SBNO1: variants seen among roughly 807,000 people sequenced by gnomAD.
SBNO1 encodes protein strawberry notch homolog 1.
SBNO1 carries 23 observed loss-of-function variants against 173.6 expected under a neutral mutation model. That is an observed-to-expected ratio of 0.13 (90% confidence interval 0.10 to 0.19). The LOEUF (loss-of-function observed/expected upper bound fraction) is 0.19, where lower values mean the gene tolerates loss of function less well. Among genes scored for constraint, SBNO1 ranks in the 10% least tolerant of loss-of-function variants. SBNO1 has a pLI of 1.00. For missense variants in SBNO1, 1,238 were observed against 1,671.2 expected (o/e 0.74, Z 4.52); for synonymous variants, 632 against 571.5 (o/e 1.11, Z -1.51).
At chr12:123,327,274 G>C in intron 13 of SBNO1, 152 bp downstream of exon 13, 1 of 658,734 alleles carries the variant, frequency 1.5e-6, no homozygotes. Flanking sequence ...GCCTCCCAAA[G>C]TGCTGAGGCA....
At chr12:123,299,497 T>C (rs985700341) in intron 30 of SBNO1, among the ~76,000 whole-genome samples, 3 of 148,398 alleles carry the variant, frequency 2.0e-5, no homozygotes, top group South Asian at 2.1e-4. Flanking sequence ...CTGGCTAACA[T>C]GGTGAAACCC....
At chr12:123,327,384 G>C in intron 13 of SBNO1, 42 bp downstream of exon 13, 1 of 1,538,084 alleles carries the variant, frequency 6.5e-7, no homozygotes, top group Non-Finnish European at 8.9e-7. Context: ...AACATTATCA[G>C]ATACATTAAA....
At chr12:123,345,666 T>C (rs887329479) in intron 3 of SBNO1, 96 bp from the exon 4 acceptor site, 11 of 1,051,678 alleles carry the variant, frequency 1.0e-5, no homozygotes, top group South Asian at 4.9e-5. Context: ...AAATCTAAAA[T>C]GCACTTTTAT....
At chr12:123,317,781 GA>G (rs1307785128) in intron 20 of SBNO1, among the ~76,000 whole-genome samples, 1 of 152,166 alleles carries the variant, frequency 6.6e-6, no homozygotes, top group Non-Finnish European at 1.5e-5. Flanking sequence ...GTCCATGAGA[GA>G]AATAATCTAT....
chr12:123,302,836 G>C lies in SBNO1; in HGVS notation c.3833C>G (p.Thr1278Ser). The change falls in exon 30 of 32, where the codon ACT (threonine) becomes AGT (serine). Residue 1278 changes from threonine (T) to serine (S), a missense_variant. Physicochemically the swap from Thr to Ser is moderately conservative, Grantham distance 58. This residue lies in a region of SBNO1 where 351 missense variants were observed against 420.3 expected (regional missense o/e 0.84). Transcript: ENST00000602398. Reference sequence around the variant, plus strand: ...CGAAAATACTAACCAATAAGCATGAGTACAAGTATCTGCAGATGAATTATA... The same window carrying C: ...CGAAAATACTAACCAATAAGCATGACTACAAGTATCTGCAGATGAATTATA... ...DQYNSSADTC[T>S]HAYWRGNCKK... The C allele has an allele frequency of 6.2e-7, 1 of 1,612,804 alleles. No individual in the cohort carries two copies. The highest frequency in any genetic ancestry group is 8.5e-7 in the Non-Finnish European group (1 of 1,178,996).
Position 123,320,437 on chromosome 12 carries a change from C to A in SBNO1, c.2662G>T (p.Ala888Ser), listed in dbSNP as rs1396770573. Residue 888 changes from alanine (A) to serine (S), a missense_variant, in exon 19 of 32, where the codon GCT becomes TCT. By Grantham distance (99) the Ala-to-Ser change is moderately conservative (BLOSUM62 1). This residue lies in a region of SBNO1 where 45 missense variants were observed against 85.5 expected (regional missense o/e 0.53). Coordinates refer to ENST00000602398, the MANE Select transcript of SBNO1 (RefSeq NM_001167856.3). ...IDELGGPENV[A>S]EMTGRKGRVV... ...AGAGATACAGGCCTATTTACCTCAGCAACGTTCTCAGGGCCACCAAGTTCA... is the reference window on the plus strand; with the variant it reads ...AGAGATACAGGCCTATTTACCTCAGAAACGTTCTCAGGGCCACCAAGTTCA... 1 of 1,612,400 alleles carries A rather than the reference C, an allele frequency of 6.2e-7. No individual in the cohort carries two copies. The highest frequency in any genetic ancestry group is 8.5e-7 in the Non-Finnish European group (1 of 1,179,238).
At chr12:123,296,836 G>C (rs2048613512) in intron 31 of SBNO1, among the ~76,000 whole-genome samples, 1 of 150,166 alleles carries the variant, frequency 6.7e-6, no homozygotes, top group Admixed American at 6.7e-5. Context: ...TGGGATTATA[G>C]GTGTGAGCCA....
At chr12:123,330,599 T>TAAAAA (rs62719360) in intron 8 of SBNO1, 90 bp from the exon 9 acceptor site, 1 of 469,088 alleles carries the variant, frequency 2.1e-6, no homozygotes, top group Non-Finnish European at 3.6e-6. Context: ...TCTTGACACT[T>TAAAAA]AAAAAAAAAA....
intron 1 of SBNO1, 67 bp downstream of exon 1, chr12:123,364,634 G>A: frequency 1.6e-5 from 16 of 983,184 alleles, no homozygotes; most frequent in Non-Finnish European, 1.9e-5. Context: ...GCCCCCCGAG[G>A]GTGGGAGTGG....
At chr12:123,298,270 C>T (rs67382382) in intron 30 of SBNO1, 99 bp from the exon 31 acceptor site, 45,086 of 1,001,660 alleles carry the variant, frequency 0.045, 843 homozygotes, top group East Asian at 0.24. Context: ...CTTTTCTTTT[C>T]TTTTTTTTTT....
chr12:123,312,929 C>A (rs1868769796), intron 24 of SBNO1, among the ~76,000 whole-genome samples: 1 of 151,954 alleles, frequency 6.6e-6, no homozygotes, highest in African/African-American at 2.4e-5. Context: ...TGGGGCTGGG[C>A]ACGGTAGCTC....
chr12:123,340,938 G>A, intron 5 of SBNO1, 50 bp downstream of exon 5: 1 of 1,151,244 alleles, frequency 8.7e-7, no homozygotes, highest in Non-Finnish European at 1.3e-6. Context: ...TTTTAGTTGA[G>A]TACACTCTCA....
chr12:123,295,837 C>T lies in SBNO1; in HGVS notation c.*71G>A. 6.4e-7 allele frequency: 1 copy of T among 1,555,928 alleles called. No individual in the cohort carries two copies. The highest frequency in any genetic ancestry group is 1.2e-5 in the South Asian group (1 of 82,710). ...AAATATATAATTCTTTGGAAACTGT[C>T]CCTGATTTTTATGCAAATGATATGC... is the stretch of plus-strand genomic sequence containing the variant. On this transcript the variant is annotated 3_prime_UTR_variant, in exon 32 of 32. Coordinates refer to ENST00000602398, the MANE Select transcript of SBNO1 (RefSeq NM_001167856.3).
chr12:123,320,720 G>A lies in SBNO1; in HGVS notation c.2470C>T (p.Pro824Ser), dbSNP rs1012137615. 6.2e-7 allele frequency: 1 copy of A among 1,609,568 alleles called. No homozygotes were observed. The highest frequency in any genetic ancestry group is 1.7e-5 in the Admixed American group (1 of 58,748). The change falls in exon 18 of 32, where the codon CCT (proline) becomes TCT (serine). Residue 824 changes from proline (P) to serine (S), a missense_variant. Physicochemically the swap from Pro to Ser is moderately conservative, Grantham distance 74. Around this residue, in one of 14 missense-constraint regions of SBNO1, gnomAD observed 74 missense variants for 68.5 expected, o/e 1.08. Transcript: ENST00000602398. ...PSFSSTPVISPAPNSTPANSN... is the reference protein window; with the variant it reads ...PSFSSTPVISSAPNSTPANSN... ...ATACCTGGTGTACTGTTAGGAGCAG[G>A]TGAGATAACTGGTGTAGATGAAAAA...
At position 123,290,639 on chromosome 12, in the gene SBNO1, A is replaced by C. The variant is rs2048497248; in HGVS notation, c.*5269T>G. The C allele has an allele frequency of 3.3e-5, 5 of 152,290 alleles. No individual in the cohort carries two copies. In the South Asian group the frequency reaches 1.0e-3, roughly 32 times the overall value. 9.4% of individuals were successfully genotyped at this position (152,290 alleles called of 1,614,324 possible). A position where few individuals can be genotyped will look rare whatever the true frequency, so the allele number is the denominator to read the frequency against. ...CCCCAGGGACCAGTGCTGCAATGGGAATCTGCTTGTCTCACCCTCCAGCAG... is the reference window on the plus strand; with the variant it reads ...CCCCAGGGACCAGTGCTGCAATGGGCATCTGCTTGTCTCACCCTCCAGCAG... On this transcript the variant is annotated 3_prime_UTR_variant, in exon 32 of 32. Coordinates refer to ENST00000602398, the MANE Select transcript of SBNO1 (RefSeq NM_001167856.3).
intron 4 of SBNO1, among the ~76,000 whole-genome samples, chr12:123,343,227 C>A (rs575965527): frequency 2.6e-5 from 4 of 151,804 alleles, no homozygotes; most frequent in African/African-American, 9.7e-5. Context: ...AATGAGACTT[C>A]GTCTCACAAA....
rs35125710 is a variant in SBNO1 at position 123,296,555 on chromosome 12, GTTTT to G, written c.4040-509_4040-506del. Reference sequence around the variant, plus strand: ...ATAAATTGCATGCATATATATATGTGTTTTTTTTTTTGTTTTTTTTTTCTGAGAT... The same window carrying G: ...ATAAATTGCATGCATATATATATGTGTTTTTTTGTTTTTTTTTTCTGAGAT... On this transcript the variant is annotated intron_variant, in intron 31 of 31. Transcript: ENST00000602398. Among the ~76,000 whole-genome samples, 3 of 140,478 alleles carry G rather than the reference GTTTT, an allele frequency of 2.1e-5. No individual in the cohort carries two copies. The Admixed American group carries it at 2.1e-4, about 10-fold the overall frequency. 92.2% of individuals were successfully genotyped at this position (140,478 alleles called of 152,430 possible). A position where few individuals can be genotyped will look rare whatever the true frequency, so the allele number is the denominator to read the frequency against.
chr12:123,328,602 G>A (rs2138994254), intron 10 of SBNO1, 132 bp downstream of exon 10: 1 of 645,260 alleles, frequency 1.5e-6, no homozygotes, highest in East Asian at 3.0e-5. Context: ...CAATCCCTTT[G>A]GACTCTAGGT....
chr12:123,321,490 T>G (rs374114470), intron 17 of SBNO1, 45 bp downstream of exon 17: 9 of 1,348,248 alleles, frequency 6.7e-6, no homozygotes, highest in Non-Finnish European at 9.6e-6. Context: ...TCAAATATAC[T>G]GAAATATTAT....
Sources: gnomAD v4.1 joint callset for allele counts (sites outside exome capture counted in the v4.1 genomes callset) on GRCh38, gnomAD v4.1.1 for gene constraint, gnomAD v4.1.1 regional missense constraint, MANE v1.5 for transcripts, NCBI Gene and HGNC (gene_info 2026-07-23, HGNC 2026-07-21) for gene names.